The following CCL24 variants were observed in gnomAD, a reference collection of about 807,000 sequenced individuals.
CCL24 encodes C-C motif chemokine ligand 24, also known as C-C motif chemokine 24.
CCL24 carries 6 observed loss-of-function variants against 8.6 expected under a neutral mutation model. The observed-to-expected ratio is 0.70, with a 90% confidence interval of 0.38 to 1.38. The LOEUF (loss-of-function observed/expected upper bound fraction) is 1.38, where lower values mean the gene tolerates loss of function less well. Ranked by LOEUF, CCL24 falls within the 40% of genes most tolerant of loss-of-function variation. The pLI is 0.02. For missense variants in CCL24, 126 were observed against 147.1 expected, an observed-to-expected ratio of 0.86 and a Z score of 0.74; for synonymous variants, 59 against 52.7, an observed-to-expected ratio of 1.12 and a Z score of -0.52.
At chr7:75,817,723 C>T (rs980775306), upstream of CCL24, among the ~76,000 whole-genome samples, 8 of 150,854 alleles carry the variant, frequency 5.3e-5, no homozygotes, top group Non-Finnish European at 3.0e-5. Flanking sequence ...GGCTGGTCAC[C>T]AACTCCTGAC....
At chr7:75,821,927 CAA>C (rs1287627655) in intron 1 of CCL24, among the ~76,000 whole-genome samples, 15 of 74,188 alleles carry the variant, frequency 2.0e-4, no homozygotes, top group Admixed American at 4.3e-4. Flanking sequence ...GACTCCGTCT[CAA>C]AAAAAAAAAA....
At chr7:75,820,816 AATCCATCC>A (rs78975822) in intron 1 of CCL24, among the ~76,000 whole-genome samples, 19,490 of 139,138 alleles carry the variant, frequency 0.14, 2,069 homozygotes, top group East Asian at 0.49. Context: ...TCCATTCACT[AATCCATCC>A]ATCCATCCAT....
rs1212103456 is a variant in CCL24 at position 75,811,020 on chromosome 7, C to T, written c.*776G>A. ...GCCCAGATTTGAAGGCAGTACAGGC[C>T]CTTGTCCCCAAGACAGCATGGAGCA... is the stretch of plus-strand genomic sequence containing the variant. On this transcript the variant is annotated 3_prime_UTR_variant, in exon 3 of 3. Coordinates refer to ENST00000222902, the MANE Select transcript of CCL24 (RefSeq NM_002991.3). Among the ~76,000 whole-genome samples the T allele has an allele frequency of 6.6e-6, 1 of 151,814 alleles. No homozygotes were observed. Among genetic ancestry groups the T allele is most frequent in the Non-Finnish European group, 1.5e-5 (1 of 67,942 alleles).
At chr7:75,820,092 T>TTCTTCTTCC (rs1804005340) in intron 1 of CCL24, among the ~76,000 whole-genome samples, 12 of 122,782 alleles carry the variant, frequency 9.8e-5, no homozygotes, top group Admixed American at 3.7e-4. Context: ...CTTCTTCCTC[T>TTCTTCTTCC]TCTTCTTCTT....
chr7:75,813,247 C>G, intron 2 of CCL24, 59 bp downstream of exon 2: 1 of 1,017,636 alleles, frequency 9.8e-7, no homozygotes, highest in South Asian at 1.3e-5. Flanking sequence ...TTCTCAGGGA[C>G]CCTGGAGTTG....
intron 1 of CCL24, among the ~76,000 whole-genome samples, chr7:75,819,085 A>G (rs1554534555): frequency 6.7e-6 from 1 of 148,658 alleles, no homozygotes. Flanking sequence ...CCTGACCAAC[A>G]TAGAGAAACC....
intron 1 of CCL24, among the ~76,000 whole-genome samples, chr7:75,820,136 C>CCTT (rs1804011685): frequency 1.2e-5 from 1 of 82,832 alleles, no homozygotes; most frequent in African/African-American, 3.9e-5. Flanking sequence ...TTCTTCTCCT[C>CCTT]CTCCTCCTCC....
chr7:75,821,939 A>C (rs1554535148), intron 1 of CCL24, among the ~76,000 whole-genome samples: 1 of 151,158 alleles, frequency 6.6e-6, no homozygotes, highest in African/African-American at 2.4e-5. Context: ...AAAAAAAAAA[A>C]AAAGAAAACA....
At chr7:75,822,972 T>G (rs1373268720) in intron 1 of CCL24, among the ~76,000 whole-genome samples, 1 of 152,184 alleles carries the variant, frequency 6.6e-6, no homozygotes, top group Non-Finnish European at 1.5e-5. Flanking sequence ...GGCAGCATGC[T>G]CCGCTGAGTG....
intron 1 of CCL24, among the ~76,000 whole-genome samples, chr7:75,821,683 T>C (rs1244262388): frequency 3.9e-5 from 6 of 152,002 alleles, no homozygotes; most frequent in African/African-American, 9.7e-5. Flanking sequence ...TCCCAACACT[T>C]TGGGAGGCCA....
intron 1 of CCL24, 93 bp downstream of exon 1, chr7:75,813,550 C>T (rs537428760): frequency 4.6e-6 from 6 of 1,310,374 alleles, no homozygotes; most frequent in South Asian, 1.2e-5. Context: ...CTTTCCCCAG[C>T]GCTTCCCTCC....
At chr7:75,815,057 G>A (rs1554533929), upstream of CCL24, among the ~76,000 whole-genome samples, 1 of 152,064 alleles carries the variant, frequency 6.6e-6, no homozygotes, top group Non-Finnish European at 1.5e-5. Flanking sequence ...AGAAACCAGG[G>A]GCCGGGAGCG....
rs1241685836 is a variant in CCL24 at position 75,811,818 on chromosome 7, G to C, written c.338C>G (p.Pro113Arg). The C allele has an allele frequency of 1.2e-6, 2 of 1,613,606 alleles. No individual in the cohort carries two copies. The highest frequency in any genetic ancestry group is 4.5e-5 in the East Asian group (2 of 44,802). Residue 113 changes from proline to arginine, a missense_variant, in exon 3 of 3, where the codon CCT (proline) becomes CGT (arginine). Physicochemically the swap from Pro to Arg is moderately radical, Grantham distance 103. Coordinates refer to ENST00000222902, the MANE Select transcript of CCL24 (RefSeq NM_002991.3). Reference sequence around the variant, plus strand: ...GGATTAGCAGGTGGTTTGGTTGCCAGGATATCTCTGGACAGGGCCCTTGAC... The same window carrying C: ...GGATTAGCAGGTGGTTTGGTTGCCACGATATCTCTGGACAGGGCCCTTGAC... ...VAVKGPVQRYPGNQTTC is the reference protein window; with the variant it reads ...VAVKGPVQRYRGNQTTC
At chr7:75,816,971 C>A (rs1803906958), upstream of CCL24, among the ~76,000 whole-genome samples, 1 of 151,996 alleles carries the variant, frequency 6.6e-6, no homozygotes, top group African/African-American at 2.4e-5. Context: ...CTCAGGCGAT[C>A]CTCCTGCCTC....
chr7:75,816,914 G>C (rs1188131604), upstream of CCL24, among the ~76,000 whole-genome samples: 1 of 151,684 alleles, frequency 6.6e-6, no homozygotes, highest in African/African-American at 2.4e-5. Flanking sequence ...GCCCAGGCTG[G>C]AGTGCAGTGG....
chr7:75,818,495 G>A (rs1404355544), upstream of CCL24, among the ~76,000 whole-genome samples: 1 of 151,020 alleles, frequency 6.6e-6, no homozygotes, highest in Non-Finnish European at 1.5e-5. Context: ...AAGAGAAAGA[G>A]CCAGGTGCAA....
In CCL24 at chr7:75,811,630, C is replaced by T. The variant is rs1038521967; in HGVS notation, c.*166G>A. The T allele has an allele frequency of 1.2e-5, 7 of 604,094 alleles. No individual in the cohort carries two copies. The highest frequency in any genetic ancestry group is 2.4e-5 in the South Asian group (1 of 42,352). 37.4% of individuals were successfully genotyped at this position (604,094 alleles called of 1,614,324 possible). On this transcript the variant is annotated 3_prime_UTR_variant, in exon 3 of 3. Coordinates refer to ENST00000222902, the MANE Select transcript of CCL24 (RefSeq NM_002991.3). ...GCCATTGCTCAGCCCCCGGGAACCACATCACCTGCTCCCTCGGGTTTTTCA... is the reference window on the plus strand; with the variant it reads ...GCCATTGCTCAGCCCCCGGGAACCATATCACCTGCTCCCTCGGGTTTTTCA...
intron 1 of CCL24, 57 bp from the exon 2 acceptor site, chr7:75,813,480 G>T: frequency 1.4e-6 from 2 of 1,384,918 alleles, no homozygotes; most frequent in Non-Finnish European, 2.1e-6. Context: ...TTGGCTCTGG[G>T]CCTCAGAGCT....
chr7:75,819,292 AAAAAAAAAAAAATATATATATATATATAT>A, intron 1 of CCL24, among the ~76,000 whole-genome samples: 1 of 27,824 alleles, frequency 3.6e-5, no homozygotes, highest in Middle Eastern at 0.014. Context: ...AAAAAAAAAA[AAAAAAAAAAAAATATATATATATATATAT>A]ATATATATAT....
Sources: gnomAD v4.1 joint callset for allele counts (sites outside exome capture counted in the v4.1 genomes callset) on GRCh38, gnomAD v4.1.1 for gene constraint, MANE v1.5 for transcripts, NCBI Gene and HGNC (gene_info 2026-07-23, HGNC 2026-07-21) for gene names.